BCL2L13: variants seen among roughly 807,000 people sequenced by gnomAD.
The protein encoded by BCL2L13 is BCL2 like 13.
In BCL2L13, 13 loss-of-function variants were observed where a neutral mutation model predicts 25.8. The observed-to-expected ratio is 0.50, with a 90% CI of 0.33 to 0.80. The LOEUF (loss-of-function observed/expected upper bound fraction) is 0.80, where lower values mean the gene tolerates loss of function less well. Among genes scored for constraint, BCL2L13 ranks in the 30% least tolerant of loss-of-function variants. The probability of loss-of-function intolerance (pLI) is 0.02; values close to 1 mark genes in which losing one functional copy is unlikely to be tolerated. For synonymous variants in BCL2L13, 244 were observed against 230.3 expected (o/e 1.06, Z -0.54); for missense variants, 504 against 574.9 (o/e 0.88, Z 1.26).
intron 2 of BCL2L13, among the ~76,000 whole-genome samples, chr22:17,680,771 G>A (rs956777499): frequency 1.3e-5 from 2 of 152,072 alleles, no homozygotes; most frequent in Non-Finnish European, 2.9e-5. Context: ...TTTCTGGGTG[G>A]TGATTTTAGT....
intron 6 of BCL2L13, among the ~76,000 whole-genome samples, chr22:17,716,158 C>T (rs946614937): frequency 2.0e-5 from 3 of 152,180 alleles, no homozygotes; most frequent in African/African-American, 4.8e-5. Flanking sequence ...GACTCAGTGC[C>T]GTCTAGGAGT....
intron 3 of BCL2L13, among the ~76,000 whole-genome samples, chr22:17,686,150 A>G (rs1259245796): frequency 6.6e-6 from 1 of 152,028 alleles, no homozygotes; most frequent in Non-Finnish European, 1.5e-5. Context: ...AAAAACACAG[A>G]TAGAAATGTA....
Position 17,679,264 on chromosome 22 carries a change from C to CTTT in BCL2L13, c.122-3928_122-3926dup, listed in dbSNP as rs3044588. Among the ~76,000 whole-genome samples the CTTT allele has an allele frequency of 4.9e-3, 370 of 76,096 alleles. 7 individuals are homozygous for CTTT. Among genetic ancestry groups the CTTT allele is most frequent in the Middle Eastern group, 0.01 (1 of 96 alleles). 49.9% of individuals were successfully genotyped at this position (76,096 alleles called of 152,430 possible). On this transcript the variant is annotated intron_variant, in intron 2 of 6. Transcript: ENST00000317582. Reference sequence around the variant, plus strand: ...GCTGCATATGTCAATTGGTTTGGCTCTTTTTTTTTTTTTTTTTTTTTTTTG... The same window carrying CTTT: ...GCTGCATATGTCAATTGGTTTGGCTCTTTTTTTTTTTTTTTTTTTTTTTTTTTG...
chr22:17,647,372 T>G (rs9604782), intron 1 of BCL2L13, among the ~76,000 whole-genome samples: 19,292 of 152,086 alleles, frequency 0.13, 1,577 homozygotes, highest in African/African-American at 0.22. Context: ...CCTCCCAAAG[T>G]GCTTCTACAA....
At chr22:17,631,706 ATTTTTTTTTTTTTTT>A (rs71201849) in intron 1 of BCL2L13, among the ~76,000 whole-genome samples, 60 of 10,886 alleles carry the variant, frequency 5.5e-3, no homozygotes, top group Admixed American at 0.012. Context: ...ATATATATAT[ATTTTTTTTTTTTTTT>A]TTTTTTTTTT....
intron 2 of BCL2L13, among the ~76,000 whole-genome samples, chr22:17,681,187 T>A (rs537756043): frequency 6.6e-6 from 1 of 152,134 alleles, no homozygotes; most frequent in Non-Finnish European, 1.5e-5. Context: ...GGTGTGAGTA[T>A]GTGAATTCAG....
chr22:17,637,181 T>C (rs187111945), upstream of BCL2L13, among the ~76,000 whole-genome samples: 8,716 of 151,720 alleles, frequency 0.057, 447 homozygotes, highest in African/African-American at 0.14. Flanking sequence ...CCAAGGCGAG[T>C]GGATCACCTG....
At chr22:17,681,182 G>A (rs2059742957) in intron 2 of BCL2L13, among the ~76,000 whole-genome samples, 1 of 152,124 alleles carries the variant, frequency 6.6e-6, no homozygotes, top group African/African-American at 2.4e-5. Flanking sequence ...CAGTGGGTGT[G>A]AGTATGTGAA....
Position 17,727,670 on chromosome 22 carries a change from G to C in BCL2L13, c.*136G>C. On this transcript the variant is annotated 3_prime_UTR_variant, in exon 7 of 7. Coordinates refer to ENST00000317582, the MANE Select transcript of BCL2L13 (RefSeq NM_015367.4). Reference sequence around the variant, plus strand: ...GGGACTTCTGCTCAACATGGCAGTGGCATGTTAGGCATGTTAGGGCTTGAG... The same window carrying C: ...GGGACTTCTGCTCAACATGGCAGTGCCATGTTAGGCATGTTAGGGCTTGAG... The C allele has an allele frequency of 6.4e-6, 7 of 1,097,098 alleles. No homozygotes were observed. Among genetic ancestry groups the C allele is most frequent in the Non-Finnish European group, 9.0e-6 (7 of 776,234 alleles). 68.0% of individuals were successfully genotyped at this position (1,097,098 alleles called of 1,614,324 possible).
intron 2 of BCL2L13, among the ~76,000 whole-genome samples, chr22:17,658,666 G>C (rs2058963454): frequency 7.4e-6 from 1 of 134,692 alleles, no homozygotes; most frequent in African/African-American, 2.8e-5. Flanking sequence ...TTGCACTCCA[G>C]CTCTGGGCAA....
rs141322431 is a variant in BCL2L13 at position 17,726,661 on chromosome 22, T to C, written c.601-16T>C. ...GTTACCATTCTTTATTATTGACGCT[T>C]GTCCTTCGTTTCTAGGGCACTGTGT... On this transcript the variant is annotated splice_polypyrimidine_tract_variant and intron_variant, in intron 6 of 6. Transcript: ENST00000317582. The C allele has an allele frequency of 3.7e-5, 59 of 1,598,618 alleles. No individual in the cohort carries two copies. In the Middle Eastern group the frequency reaches 1.5e-3, roughly 40 times the overall value.
intron 4 of BCL2L13, among the ~76,000 whole-genome samples, chr22:17,693,953 T>A (rs1218179169): frequency 1.3e-5 from 2 of 151,934 alleles, no homozygotes; most frequent in Non-Finnish European, 2.9e-5. Context: ...GAGACGGGTT[T>A]CACCATGTTG....
intron 2 of BCL2L13, among the ~76,000 whole-genome samples, chr22:17,670,670 C>T (rs2059388662): frequency 6.6e-6 from 1 of 152,110 alleles, no homozygotes; most frequent in Non-Finnish European, 1.5e-5. Context: ...CGGCTTACAT[C>T]AGCTTTTCAA....
At chr22:17,644,730 C>T (rs1025602840) in intron 1 of BCL2L13, among the ~76,000 whole-genome samples, 2 of 150,790 alleles carry the variant, frequency 1.3e-5, no homozygotes, top group Admixed American at 1.3e-4. Context: ...TTTTGGTTTT[C>T]GTTCTGTGAG....
At chr22:17,719,153 CAAAAAAAA>C (rs59630355) in intron 6 of BCL2L13, among the ~76,000 whole-genome samples, 1 of 45,496 alleles carries the variant, frequency 2.2e-5, no homozygotes, top group Non-Finnish European at 4.0e-5. Flanking sequence ...GGCTCTGTCT[CAAAAAAAA>C]AAAAAAAAAA....
At chr22:17,680,144 G>A (rs987532305) in intron 2 of BCL2L13, among the ~76,000 whole-genome samples, 2 of 146,886 alleles carry the variant, frequency 1.4e-5, no homozygotes, top group Non-Finnish European at 3.0e-5. Flanking sequence ...AACCCCGGGG[G>A]GCGGAGGTTG....
At chr22:17,682,212 G>A (rs2059777048) in intron 2 of BCL2L13, among the ~76,000 whole-genome samples, 1 of 152,110 alleles carries the variant, frequency 6.6e-6, no homozygotes, top group Non-Finnish European at 1.5e-5. Context: ...CCAGTAATAA[G>A]CATGAGAGAC....
chr22:17,696,466 G>C (rs563108180), intron 5 of BCL2L13, among the ~76,000 whole-genome samples: 2 of 151,948 alleles, frequency 1.3e-5, no homozygotes, highest in Non-Finnish European at 2.9e-5. Context: ...TCATTTCTCT[G>C]TGTTAGACAT....
chr22:17,722,952 A>G (rs1229931907), intron 6 of BCL2L13, among the ~76,000 whole-genome samples: 1 of 152,170 alleles, frequency 6.6e-6, no homozygotes, highest in East Asian at 1.9e-4. Context: ...TTCTTTTTTA[A>G]TAGTAGTTAA....
Sources: gnomAD v4.1 joint callset for allele counts (sites outside exome capture counted in the v4.1 genomes callset) on GRCh38, gnomAD v4.1.1 for gene constraint, MANE v1.5 for transcripts, NCBI Gene and HGNC (gene_info 2026-07-23, HGNC 2026-07-21) for gene names.